Variants in VPS26B observed in about 807,000 individuals in gnomAD.
The protein encoded by VPS26B is VPS26 retromer complex component B.
Under a neutral mutation model 33.3 loss-of-function variants are expected in VPS26B, and 10 were observed. The observed-to-expected ratio is 0.30, with a 90% CI of 0.19 to 0.51. The LOEUF (loss-of-function observed/expected upper bound fraction) is 0.51, where lower values mean the gene tolerates loss of function less well. Among genes scored for constraint, VPS26B ranks in the 20% least tolerant of loss-of-function variants. The pLI is 0.98. For synonymous variants in VPS26B, 190 were observed against 176.9 expected, an observed-to-expected ratio of 1.07 and a Z score of -0.59; for missense variants, 317 against 452.7, an observed-to-expected ratio of 0.70 and a Z score of 2.72.
At position 134,234,864 on chromosome 11, in the gene VPS26B, A is replaced by G. The variant is rs774929333; in HGVS notation, c.224-33A>G. The stretch of plus-strand genomic sequence containing the variant: ...GGCCCGGTGTAGCTCAGGGTCTGAT[A>G]AAGGAGGGCGTCGCATCGCTGTCTC... On this transcript the variant is annotated intron_variant, in intron 1 of 5. Transcript: ENST00000281187. 1.4e-5 allele frequency: 23 copies of G among 1,605,826 alleles called. No homozygotes were observed. In the South Asian group the frequency reaches 2.6e-4, roughly 18 times the overall value.
chr11:134,225,627 C>G (rs1274747650), intron 1 of VPS26B, among the ~76,000 whole-genome samples: 2 of 152,238 alleles, frequency 1.3e-5, no homozygotes, highest in Non-Finnish European at 2.9e-5. Flanking sequence ...ATGGGTTCTC[C>G]CCATTGTCTC....
intron 1 of VPS26B, 79 bp from the exon 2 acceptor site, chr11:134,234,811 CCAGCCTA>C: frequency 6.5e-7 from 1 of 1,530,186 alleles, no homozygotes; most frequent in Non-Finnish European, 8.8e-7. Flanking sequence ...AGCAGTCCCT[CCAGCCTA>C]CAGCCTCCAG....
intron 3 of VPS26B, among the ~76,000 whole-genome samples, chr11:134,242,532 CCT>C (rs1469517382): frequency 6.6e-6 from 1 of 152,212 alleles, no homozygotes; most frequent in African/African-American, 2.4e-5. Context: ...GAGAAAAAAC[CCT>C]GAGGGTCAGG....
chr11:134,231,132 G>A lies in VPS26B; in HGVS notation c.224-3765G>A, dbSNP rs1281900195. Among the ~76,000 whole-genome samples, 3 of 152,306 alleles carry A rather than the reference G, an allele frequency of 2.0e-5. No homozygotes were observed. The East Asian group carries it at 5.8e-4, about 29-fold the overall frequency. On this transcript the variant is annotated intron_variant, in intron 1 of 5. Coordinates refer to ENST00000281187, the MANE Select transcript of VPS26B (RefSeq NM_052875.5). ...CCTGGGCCGCCTTGGAGACTAATGG[G>A]TTAAATAAACCAAACGTAATTAGAA...
At chr11:134,233,418 C>T (rs1404450714) in intron 1 of VPS26B, among the ~76,000 whole-genome samples, 5 of 152,182 alleles carry the variant, frequency 3.3e-5, no homozygotes, top group Non-Finnish European at 5.9e-5. Context: ...TGCATAGCCA[C>T]AGTCAGTATT....
rs150867248 is a variant in VPS26B, at chr11:134,233,586, G to A, written c.224-1311G>A. The stretch of plus-strand genomic sequence containing the variant: ...AAAATACAAAAACAATTAGCTGGGC[G>A]TGGTGGCAGATGCCTGTAGTCTCAG... On this transcript the variant is annotated intron_variant, in intron 1 of 5. Transcript: ENST00000281187. 5.9e-5 allele frequency among the ~76,000 whole-genome samples: 9 copies of A among 152,340 alleles called. No homozygotes were observed. In the East Asian group the frequency reaches 1.4e-3, roughly 23 times the overall value.
intron 2 of VPS26B, among the ~76,000 whole-genome samples, chr11:134,238,191 T>C (rs1454852721): frequency 2.6e-5 from 4 of 152,132 alleles, no homozygotes; most frequent in Admixed American, 2.0e-4. Context: ...CCTCTCCTGG[T>C]GATTTCATTG....
At chr11:134,243,782 A>C (rs894090742) in intron 4 of VPS26B, 5 of 152,722 alleles carry the variant, frequency 3.3e-5, no homozygotes, top group Non-Finnish European at 7.3e-5. Flanking sequence ...AGGTACCCAG[A>C]TAGCCCTGGA....
In VPS26B at chr11:134,245,864, CG is replaced by C. The variant is rs1311669402; in HGVS notation, c.*280del. ...TCTGGGGAACATGAGCCCCCTTCCT[CG>C]GGGGGCTGCCTTGCGTCTTAGAGGA... On this transcript the variant is annotated 3_prime_UTR_variant, in exon 6 of 6. Transcript: ENST00000281187. This position sits in a 1 kb window ranked among gnomAD's most constrained non-coding sequence, Gnocchi z 4.7. 21 of 434,538 alleles carry C rather than the reference CG, an allele frequency of 4.8e-5. No homozygotes were observed. In the East Asian group the frequency reaches 5.7e-4, roughly 12 times the overall value. The allele number at this position is 434,538 out of a possible 1,614,324, so 26.9% of individuals were successfully genotyped here.
rs750006233 is a variant in VPS26B, at chr11:134,245,518, C to G, written c.939C>G (p.Arg313=). ...MSHQAAIASQ[R]FEGTTSLGEV... is the part of the protein sequence containing the mutation. ...ACCAGGCGGCCATCGCCTCACAGCG[C>G]TTTGAGGGCACCACCTCCCTGGGTG... is the stretch of plus-strand genomic sequence containing the variant. Residue 313 remains arginine, a synonymous_variant, in exon 6 of 6, where the codon CGC becomes CGG. Transcript: ENST00000281187. The surrounding 1 kb of genome is among the most constrained non-coding windows in gnomAD (Gnocchi z 4.7). 6.2e-7 allele frequency: 1 copy of G among 1,614,032 alleles called. No individual in the cohort carries two copies. The highest frequency in any genetic ancestry group is 1.1e-5 in the South Asian group (1 of 91,078).
Position 134,245,036 on chromosome 11 carries a change from C to G in VPS26B, c.820C>G (p.Leu274Val). The change falls in exon 5 of 6, where the codon CTG (leucine) becomes GTG (valine). Residue 274 changes from leucine to valine, a missense_variant. By Grantham distance (32) the Leu-to-Val change is conservative. Coordinates refer to ENST00000281187, the MANE Select transcript of VPS26B (RefSeq NM_052875.5). The surrounding 1 kb of genome is among the most constrained non-coding windows in gnomAD (Gnocchi z 4.7). ...GTTCTCTGTGCGCTATTACCTCAAC[C>G]TGGTGCTGATAGACGAGGAGGAGCG... ...KKFSVRYYLN[L>V]VLIDEEERRY... 6.2e-7 allele frequency: 1 copy of G among 1,614,204 alleles called. No individual in the cohort carries two copies. The highest frequency in any genetic ancestry group is 1.1e-5 in the South Asian group (1 of 91,092).
chr11:134,245,131 G>T lies in VPS26B; in HGVS notation c.864+51G>T. 6.3e-7 allele frequency: 1 copy of T among 1,593,116 alleles called. No homozygotes were observed. Among genetic ancestry groups the T allele is most frequent in the Non-Finnish European group, 8.5e-7 (1 of 1,171,650 alleles). ...CGATGCCCTTGGGACAGAACAGGAG[G>T]CTCTCTTTCCTATGGAAGGTCAGAC... On this transcript the variant is annotated intron_variant, in intron 5 of 5. Coordinates refer to ENST00000281187, the MANE Select transcript of VPS26B (RefSeq NM_052875.5). The surrounding 1 kb of genome is among the most constrained non-coding windows in gnomAD (Gnocchi z 4.7).
At position 134,245,239 on chromosome 11, in the gene VPS26B, T is replaced by C. The variant is rs1260879499; in HGVS notation, c.864+159T>C. Among the ~76,000 whole-genome samples the C allele has an allele frequency of 2.6e-5, 4 of 152,218 alleles. No homozygotes were observed. The highest frequency in any genetic ancestry group is 1.9e-4 in the East Asian group (1 of 5,186). On this transcript the variant is annotated intron_variant, in intron 5 of 5. Transcript: ENST00000281187. The surrounding 1 kb of genome is among the most constrained non-coding windows in gnomAD (Gnocchi z 4.7). ...AGGATTCTCACCTGGCCTTAGAGTC[T>C]GCTTCCTCGGGCCTTCTCCTGCAAC...
In VPS26B at chr11:134,224,862, C is replaced by T. The variant is rs1039208168; in HGVS notation, c.-261C>T. The T allele has an allele frequency of 2.9e-4, 48 of 165,804 alleles. No individual in the cohort carries two copies. Among genetic ancestry groups the T allele is most frequent in the African/African-American group, 1.1e-3 (45 of 41,700 alleles). 10.3% of individuals were successfully genotyped at this position (165,804 alleles called of 1,614,324 possible). ...GCCGCGGGACTGGCTGGGACTGGCTCGGCCGAGGGCACTGCTCCTCGGTGC... is the reference window on the plus strand; with the variant it reads ...GCCGCGGGACTGGCTGGGACTGGCTTGGCCGAGGGCACTGCTCCTCGGTGC... On this transcript the variant is annotated 5_prime_UTR_variant, in exon 1 of 6. Coordinates refer to ENST00000281187, the MANE Select transcript of VPS26B (RefSeq NM_052875.5).
chr11:134,235,303 T>TAAAA, intron 2 of VPS26B: 1 of 377,996 alleles, frequency 2.6e-6, no homozygotes, highest in East Asian at 4.9e-5. Flanking sequence ...CTAATGTTCC[T>TAAAA]AAATGTAGAG....
intron 1 of VPS26B, among the ~76,000 whole-genome samples, chr11:134,227,301 T>A (rs1223803234): frequency 6.6e-6 from 1 of 152,266 alleles, no homozygotes; most frequent in Admixed American, 6.5e-5. Flanking sequence ...AGGTATTTTT[T>A]AGTAGCAGTT....
rs1272604488 is a variant in VPS26B at position 134,225,164 on chromosome 11, C to A, written c.42C>A (p.Ile14=). 6.2e-6 allele frequency: 10 copies of A among 1,613,728 alleles called. No homozygotes were observed. Among genetic ancestry groups the A allele is most frequent in the Non-Finnish European group, 7.6e-6 (9 of 1,179,712 alleles). The change falls in exon 1 of 6, where the codon ATC becomes ATA. Residue 14 remains isoleucine, a synonymous_variant. Coordinates refer to ENST00000281187, the MANE Select transcript of VPS26B (RefSeq NM_052875.5). ...TCGGGCAGAGCGTGGAGGTGGAAAT[C>A]CTTCTGAACGATGCAGAGAGTAGGA... The part of the protein sequence containing the change: ...FGFGQSVEVE[I]LLNDAESRKR...
chr11:134,243,013 CTG>C, intron 3 of VPS26B, 104 bp from the exon 4 acceptor site: 3 of 1,118,220 alleles, frequency 2.7e-6, no homozygotes, highest in Non-Finnish European at 4.0e-6. Flanking sequence ...TGTCCTGCAA[CTG>C]GACGTTTAAC....
intron 1 of VPS26B, among the ~76,000 whole-genome samples, chr11:134,229,020 T>C (rs541097006): frequency 2.6e-5 from 4 of 152,236 alleles, no homozygotes; most frequent in African/African-American, 7.2e-5. Flanking sequence ...TGACTTATTT[T>C]CTTTGTTTTT....
Sources: gnomAD v4.1 joint callset for allele counts (sites outside exome capture counted in the v4.1 genomes callset) on GRCh38, gnomAD v4.1.1 for gene constraint, Gnocchi (gnomAD v3.1) non-coding constraint, MANE v1.5 for transcripts, NCBI Gene and HGNC (gene_info 2026-07-23, HGNC 2026-07-21) for gene names.